ARHGAP25: variants seen among roughly 807,000 people sequenced by gnomAD.
The protein encoded by ARHGAP25 is Rho GTPase activating protein 25, also known as rho GTPase-activating protein 25.
A neutral mutation model predicts 71.0 loss-of-function variants in ARHGAP25; 34 were observed. That is an observed-to-expected ratio of 0.48 (90% CI 0.36 to 0.64). The LOEUF (loss-of-function observed/expected upper bound fraction) is 0.64, where lower values mean the gene tolerates loss of function less well. Ranked by LOEUF, ARHGAP25 falls within the 30% of genes least tolerant of loss-of-function variation. The pLI is 0.00. For missense variants in ARHGAP25, 706 were observed against 805.1 expected, an observed-to-expected ratio of 0.88 and a Z score of 1.49; for synonymous variants, 282 against 296.5, an observed-to-expected ratio of 0.95 and a Z score of 0.50.
chr2:68,807,062 G>T (rs1259659944), intron 4 of ARHGAP25, among the ~76,000 whole-genome samples: 1 of 152,176 alleles, frequency 6.6e-6, no homozygotes, highest in Non-Finnish European at 1.5e-5. Flanking sequence ...TAAGAAATGT[G>T]GGTCAATATA....
intron 4 of ARHGAP25, among the ~76,000 whole-genome samples, chr2:68,799,181 CA>C (rs1286060207): frequency 1.3e-5 from 2 of 152,114 alleles, no homozygotes; most frequent in African/African-American, 4.8e-5. Context: ...ATTTGATATG[CA>C]GAGAGAATGT....
intron 1 of ARHGAP25, among the ~76,000 whole-genome samples, chr2:68,766,889 A>G (rs2104355494): frequency 6.6e-6 from 1 of 152,254 alleles, no homozygotes; most frequent in African/African-American, 2.4e-5. Flanking sequence ...CTCTTCCTGC[A>G]GAACACATAG....
At chr2:68,792,401 C>T (rs149753351) in intron 4 of ARHGAP25, among the ~76,000 whole-genome samples, 2 of 152,294 alleles carry the variant, frequency 1.3e-5, no homozygotes, top group East Asian at 3.9e-4. Context: ...TCATCATACA[C>T]CGCCTTCCAT....
At chr2:68,740,199 C>A (rs1675446717) in intron 1 of ARHGAP25, among the ~76,000 whole-genome samples, 1 of 152,118 alleles carries the variant, frequency 6.6e-6, no homozygotes, top group Admixed American at 6.5e-5. Context: ...GGAATTCTGG[C>A]CCCACCACCC....
chr2:68,816,007 T>C (rs1252827382), intron 6 of ARHGAP25: 1 of 445,954 alleles, frequency 2.2e-6, no homozygotes, highest in African/African-American at 2.0e-5. Flanking sequence ...TGTTAAACAG[T>C]CCTTCCTTAG....
chr2:68,781,533 T>A (rs1221051779), intron 2 of ARHGAP25, among the ~76,000 whole-genome samples: 1 of 152,188 alleles, frequency 6.6e-6, no homozygotes, highest in African/African-American at 2.4e-5. Flanking sequence ...CTCAGACCCC[T>A]TCATAGATCT....
At chr2:68,802,785 C>A (rs1036292170) in intron 4 of ARHGAP25, among the ~76,000 whole-genome samples, 1 of 151,612 alleles carries the variant, frequency 6.6e-6, no homozygotes, top group African/African-American at 2.4e-5. Flanking sequence ...AAATAAAACA[C>A]TTTTTTTATG....
At chr2:68,821,194 A>G (rs57764132) in intron 9 of ARHGAP25, among the ~76,000 whole-genome samples, 1 of 140,658 alleles carries the variant, frequency 7.1e-6, no homozygotes, top group East Asian at 2.1e-4. Flanking sequence ...CCTCCTGCTG[A>G]GGCAATCCTT....
intron 1 of ARHGAP25, among the ~76,000 whole-genome samples, chr2:68,773,495 T>C (rs1165325873): frequency 6.6e-6 from 1 of 152,196 alleles, no homozygotes; most frequent in African/African-American, 2.4e-5. Context: ...CACTGAGGAC[T>C]CCAAAAGTGG....
intron 1 of ARHGAP25, chr2:68,775,006 T>C: frequency 6.9e-7 from 1 of 1,458,638 alleles, no homozygotes; most frequent in Non-Finnish European, 9.0e-7. Flanking sequence ...GCCTGGGTTT[T>C]ATTCTTGGCC....
At position 68,767,747 on chromosome 2, in the gene ARHGAP25, G is replaced by T. The variant is rs1008818276; in HGVS notation, c.62-7474G>T. Among the ~76,000 whole-genome samples, 4 of 152,200 alleles carry T rather than the reference G, an allele frequency of 2.6e-5. No individual in the cohort carries two copies. The highest frequency in any genetic ancestry group is 9.7e-5 in the African/African-American group (4 of 41,436). Reference sequence around the variant, plus strand: ...GTTGGGGTATCAGCACAGCCTCAGTGGTGGGCTTGAGGTTTCAGTACCATT... The same window carrying T: ...GTTGGGGTATCAGCACAGCCTCAGTTGTGGGCTTGAGGTTTCAGTACCATT... On this transcript the variant is annotated intron_variant, in intron 1 of 10. Coordinates refer to ENST00000409202, the MANE Select transcript of ARHGAP25 (RefSeq NM_001007231.3). The surrounding 1 kb of genome is among the most constrained non-coding windows in gnomAD (Gnocchi z 4.6).
chr2:68,814,651 G>A (rs11126200), intron 6 of ARHGAP25, among the ~76,000 whole-genome samples: 35,471 of 152,070 alleles, frequency 0.23, 4,441 homozygotes, highest in East Asian at 0.44. Context: ...TATTTAAAAC[G>A]AATGAAGAAA....
chr2:68,785,019 A>G (rs1678649685), intron 3 of ARHGAP25, among the ~76,000 whole-genome samples: 1 of 152,196 alleles, frequency 6.6e-6, no homozygotes, highest in Non-Finnish European at 1.5e-5. Context: ...AGAGCATTCC[A>G]GGAAGTGGAA....
chr2:68,713,004 T>C (rs1247885544), intron 2 of ARHGAP25, among the ~76,000 whole-genome samples: 1 of 152,228 alleles, frequency 6.6e-6, no homozygotes, highest in East Asian at 1.9e-4. Flanking sequence ...TCTTTTTTCA[T>C]TCCATATGAA....
chr2:68,816,606 G>A, intron 7 of ARHGAP25: 1 of 473,108 alleles, frequency 2.1e-6, no homozygotes, highest in Non-Finnish European at 3.8e-6. Context: ...CCAGAGTCCT[G>A]GTACATGCAA....
intron 1 of ARHGAP25, among the ~76,000 whole-genome samples, chr2:68,763,452 C>T (rs770985134): frequency 6.6e-6 from 1 of 152,154 alleles, no homozygotes; most frequent in Non-Finnish European, 1.5e-5. Flanking sequence ...CAATACAGAG[C>T]GTTCCTTCAA....
intron 1 of ARHGAP25, among the ~76,000 whole-genome samples, chr2:68,774,558 G>A (rs1398336373): frequency 6.6e-6 from 1 of 152,226 alleles, no homozygotes; most frequent in Non-Finnish European, 1.5e-5. Flanking sequence ...AAAGGGCTGG[G>A]ATACTCTCCG....
At chr2:68,795,342 T>C (rs1403982382) in intron 4 of ARHGAP25, among the ~76,000 whole-genome samples, 1 of 152,132 alleles carries the variant, frequency 6.6e-6, no homozygotes, top group East Asian at 1.9e-4. Flanking sequence ...TTTTCTAGTT[T>C]CTTGAGGTTT....
chr2:68,731,837 T>C (rs752370322), upstream of ARHGAP25, among the ~76,000 whole-genome samples: 2 of 152,028 alleles, frequency 1.3e-5, no homozygotes, highest in Non-Finnish European at 2.9e-5. Flanking sequence ...CCCTACACTT[T>C]CCCCAACATA....
Sources: gnomAD v4.1 joint callset for allele counts (sites outside exome capture counted in the v4.1 genomes callset) on GRCh38, gnomAD v4.1.1 for gene constraint, Gnocchi (gnomAD v3.1) non-coding constraint, MANE v1.5 for transcripts, NCBI Gene and HGNC (gene_info 2026-07-23, HGNC 2026-07-21) for gene names.